The following THOC6 variants were observed in gnomAD, a reference collection of about 807,000 sequenced individuals.
THOC6 encodes THO complex 6.
Under a neutral mutation model 55.8 loss-of-function variants are expected in THOC6, and 39 were observed. The observed-to-expected ratio is 0.70, with a 90% CI of 0.54 to 0.91. The LOEUF (loss-of-function observed/expected upper bound fraction) is 0.91, where lower values mean the gene tolerates loss of function less well. THOC6 is among the 40% of genes least tolerant of loss of function. The probability of loss-of-function intolerance (pLI) is 0.00; values close to 1 mark genes in which losing one functional copy is unlikely to be tolerated. For synonymous variants in THOC6, 192 were observed against 175.6 expected, an observed-to-expected ratio of 1.09 and a Z score of -0.74; for missense variants, 482 against 442.0, an observed-to-expected ratio of 1.09 and a Z score of -0.81.
In THOC6 at chr16:3,024,637, C is replaced by CTT. The variant is rs34833478; in HGVS notation, c.39+286_39+287dup. ...TTAATTTTCTAGTTCTTGCAAAGCA[C>CTT]TTTTTTTTTTTTTTTGAGACAGAGT... On this transcript the variant is annotated intron_variant, in intron 1 of 12. Transcript: ENST00000326266. Among the ~76,000 whole-genome samples the CTT allele has an allele frequency of 5.2e-3, 657 of 126,030 alleles. 14 individuals carry two copies. Among genetic ancestry groups the CTT allele is most frequent in the Admixed American group, 0.016 (191 of 12,070 alleles). 82.7% of individuals were successfully genotyped at this position (126,030 alleles called of 152,430 possible).
intron 1 of THOC6, 64 bp downstream of exon 1, chr16:3,024,429 C>T (rs1243123491): frequency 1.7e-5 from 27 of 1,597,350 alleles, no homozygotes; most frequent in African/African-American, 2.7e-5. Flanking sequence ...TGGGACGGGG[C>T]GGGCAGGGAA....
Position 3,024,343 on chromosome 16 carries a change from C to G in THOC6, c.17C>G (p.Pro6Arg). The change falls in exon 1 of 13, where the codon CCG becomes CGG. Residue 6 changes from proline (P) to arginine (R), a missense_variant. Coordinates refer to ENST00000326266, the MANE Select transcript of THOC6 (RefSeq NM_024339.5). MERAV[P>R]LAVPLGQTEV... ...GTTCTGGAGATGGAGCGAGCTGTGC[C>G]GCTCGCGGTGCCTCTGGGTCAGGTG... 3 of 1,614,112 alleles carry G rather than the reference C, an allele frequency of 1.9e-6. No individual in the cohort carries two copies. Among genetic ancestry groups the G allele is most frequent in the South Asian group, 1.1e-5 (1 of 91,082 alleles).
At position 3,024,060 on chromosome 16, in the gene THOC6, C is replaced by T; in HGVS notation, c.-267C>T. The T allele has an allele frequency of 1.1e-6, 1 of 878,856 alleles. No individual in the cohort carries two copies. Among genetic ancestry groups the T allele is most frequent in the Non-Finnish European group, 1.7e-6 (1 of 585,980 alleles). The allele number at this position is 878,856 out of a possible 1,614,324, so 54.4% of individuals were successfully genotyped here. ...ACAGCCGCGAGGTTCTGCGCGGGCG[C>T]GGAAGACGGGCGGCGCGTGGCGGAA... On this transcript the variant is annotated 5_prime_UTR_variant, in exon 1 of 13. Coordinates refer to ENST00000326266, the MANE Select transcript of THOC6 (RefSeq NM_024339.5).
Position 3,024,237 on chromosome 16 carries a change from A to G in THOC6, c.-90A>G, listed in dbSNP as rs1220013304. 6 of 1,539,836 alleles carry G rather than the reference A, an allele frequency of 3.9e-6. No individual in the cohort carries two copies. Among genetic ancestry groups the G allele is most frequent in the Non-Finnish European group, 5.4e-6 (6 of 1,117,370 alleles). ...CAGCCACCTTCGCGCCGAAGGCGGT[A>G]GGGCGCCACGGAGAGGAACCGCTCT... On this transcript the variant is annotated 5_prime_UTR_variant, in exon 1 of 13. It removes the in-frame stop codon of an upstream open reading frame in the 5' UTR. Transcript: ENST00000326266.
rs541741193 is a variant in THOC6 at position 3,026,535 on chromosome 16, C to T, written c.431C>T (p.Ala144Val). The change falls in exon 7 of 13, where the codon GCT (alanine) becomes GTT (valine). Residue 144 changes from alanine to valine, a missense_variant. Physicochemically the swap from Ala to Val is moderately conservative, Grantham distance 64. Coordinates refer to ENST00000326266, the MANE Select transcript of THOC6 (RefSeq NM_024339.5). ...CCACAGGAGAATTCCCTCATCCTGG[C>T]TGGGGGAGACTGTCAGTTGCACACT... ...LVPKENSLIL[A>V]GGDCQLHTMD... 1.9e-6 allele frequency: 3 copies of T among 1,614,104 alleles called. No homozygotes were observed. The highest frequency in any genetic ancestry group is 3.3e-5 in the Admixed American group (2 of 60,008).
At position 3,025,694 on chromosome 16, in the gene THOC6, G is replaced by C. The variant is rs750255498; in HGVS notation, c.40-14G>C. ...ATACGTCCCAGGCAGGCCTCATCCAGTCTTTCCCTGCAGACAGAGGTGTTC... is the reference window on the plus strand; with the variant it reads ...ATACGTCCCAGGCAGGCCTCATCCACTCTTTCCCTGCAGACAGAGGTGTTC... On this transcript the variant is annotated splice_polypyrimidine_tract_variant and intron_variant, in intron 1 of 12. Transcript: ENST00000326266. 3.7e-6 allele frequency: 6 copies of C among 1,612,604 alleles called. No homozygotes were observed. In the East Asian group the frequency reaches 1.3e-4, roughly 36 times the overall value.
chr16:3,026,077 G>A lies in THOC6; in HGVS notation c.235G>A (p.Val79Ile), dbSNP rs760705881. 38 of 1,611,680 alleles carry A rather than the reference G, an allele frequency of 2.4e-5. No homozygotes were observed. The East Asian group carries it at 2.7e-4, about 11-fold the overall frequency. The change falls in exon 4 of 13, where the codon GTC becomes ATC. Residue 79 changes from valine to isoleucine, a missense_variant. Physicochemically the swap from Val to Ile is conservative, Grantham distance 29 (BLOSUM62 3). Coordinates refer to ENST00000326266, the MANE Select transcript of THOC6 (RefSeq NM_024339.5). ...TTTCTCTTTAGCCCATGATGGGCCC[G>A]TCTATAGCATGGTTTCCACCGATCG... Reference protein sequence around the residue: ...VVTFQAHDGPVYSMVSTDRHL... With the variant: ...VVTFQAHDGPIYSMVSTDRHL...
In THOC6 at chr16:3,024,241, C is replaced by A; in HGVS notation, c.-86C>A. Reference sequence around the variant, plus strand: ...CACCTTCGCGCCGAAGGCGGTAGGGCGCCACGGAGAGGAACCGCTCTAGGC... The same window carrying A: ...CACCTTCGCGCCGAAGGCGGTAGGGAGCCACGGAGAGGAACCGCTCTAGGC... On this transcript the variant is annotated 5_prime_UTR_variant, in exon 1 of 13. Coordinates refer to ENST00000326266, the MANE Select transcript of THOC6 (RefSeq NM_024339.5). 6.4e-7 allele frequency: 1 copy of A among 1,556,324 alleles called. No homozygotes were observed. The highest frequency in any genetic ancestry group is 8.8e-7 in the Non-Finnish European group (1 of 1,132,248).
In THOC6 at chr16:3,025,691, C is replaced by G. The variant is rs2072768167; in HGVS notation, c.40-17C>G. 6.2e-7 allele frequency: 1 copy of G among 1,610,840 alleles called. No individual in the cohort carries two copies. Among genetic ancestry groups the G allele is most frequent in the South Asian group, 1.1e-5 (1 of 91,020 alleles). On this transcript the variant is annotated splice_polypyrimidine_tract_variant and intron_variant, in intron 1 of 12. Coordinates refer to ENST00000326266, the MANE Select transcript of THOC6 (RefSeq NM_024339.5). ...TTCATACGTCCCAGGCAGGCCTCAT[C>G]CAGTCTTTCCCTGCAGACAGAGGTG...
chr16:3,025,606 G>A, intron 1 of THOC6, 102 bp from the exon 2 acceptor site: 1 of 1,082,170 alleles, frequency 9.2e-7, no homozygotes, highest in Non-Finnish European at 1.4e-6. Flanking sequence ...TGAGAAGTCA[G>A]GACAGTGGGA....
At chr16:3,025,429 G>C (rs1255634439) in intron 1 of THOC6, among the ~76,000 whole-genome samples, 1 of 152,254 alleles carries the variant, frequency 6.6e-6, no homozygotes, top group East Asian at 1.9e-4. Flanking sequence ...AATCTTCTGT[G>C]AGCTCCATTT....
chr16:3,025,650 T>C, intron 1 of THOC6, 58 bp from the exon 2 acceptor site: 1 of 1,504,410 alleles, frequency 6.6e-7, no homozygotes, highest in East Asian at 2.3e-5. Context: ...CAGGGAGGAA[T>C]CTGTGGATGG....
intron 6 of THOC6, 45 bp downstream of exon 6, chr16:3,026,458 C>T (rs780354827): frequency 6.2e-7 from 1 of 1,614,104 alleles, no homozygotes; most frequent in East Asian, 2.2e-5. Flanking sequence ...TTTGATCCTT[C>T]ACCCTCTGCC....
chr16:3,024,461 G>T (rs2072730880), intron 1 of THOC6, 96 bp downstream of exon 1: 5 of 1,504,866 alleles, frequency 3.3e-6, no homozygotes, highest in African/African-American at 1.4e-5. Flanking sequence ...GCCCTGTTTT[G>T]CCTGGGCTAT....
chr16:3,027,515 G>A lies in THOC6; in HGVS notation c.945+15G>A. ...CTGAGTGCAAGGTGGGTCCGGCAGG[G>A]GCCGCGGAGCGGCTGGGAGGCAGGG... is the stretch of plus-strand genomic sequence containing the variant. On this transcript the variant is annotated intron_variant, in intron 12 of 12. Transcript: ENST00000326266. 6.2e-7 allele frequency: 1 copy of A among 1,611,928 alleles called. No homozygotes were observed. Among genetic ancestry groups the A allele is most frequent in the African/African-American group, 1.3e-5 (1 of 75,032 alleles).
chr16:3,024,937 ATTTTTTT>A (rs35849212), intron 1 of THOC6, among the ~76,000 whole-genome samples: 12 of 102,352 alleles, frequency 1.2e-4, no homozygotes, highest in African/African-American at 2.2e-4. Flanking sequence ...GCCCGGCCAA[ATTTTTTT>A]TTTTTTTTTT....
chr16:3,026,933 G>A lies in THOC6; in HGVS notation c.636+17G>A. 2 of 1,614,164 alleles carry A rather than the reference G, an allele frequency of 1.2e-6. No individual in the cohort carries two copies. Among genetic ancestry groups the A allele is most frequent in the Non-Finnish European group, 1.7e-6 (2 of 1,180,026 alleles). ...AAGCACGAGGTGAGGGTGTGACCGT[G>A]GCCATTGTCCTCTTCTCCCCCAACT... On this transcript the variant is annotated intron_variant, in intron 9 of 12. Coordinates refer to ENST00000326266, the MANE Select transcript of THOC6 (RefSeq NM_024339.5).
rs1296506042 is a variant in THOC6 at position 3,027,446 on chromosome 16, C to T, written c.891C>T (p.Ser297=). 6 of 1,611,290 alleles carry T rather than the reference C, an allele frequency of 3.7e-6. No homozygotes were observed. The South Asian group carries it at 4.4e-5, about 12-fold the overall frequency. The change falls in exon 12 of 13, where the codon TCC becomes TCT. Residue 297 remains serine, a synonymous_variant. Transcript: ENST00000326266. ...GELKAQVPGS[S]PGLLSLSLNQ... ...TGAAGGCCCAGGTGCCTGGCTCCTC[C>T]CCAGGGCTGCTCAGCCTCAGCCTCA... is the stretch of plus-strand genomic sequence containing the variant.
Position 3,027,358 on chromosome 16 carries a change from C to G in THOC6, c.811-8C>G. ...CTGACCCCTGAGCACCTTCCCTGTC[C>G]TCTGCAGATTCTGTCAGCTGGCCAG... On this transcript the variant is annotated splice_region_variant and splice_polypyrimidine_tract_variant and intron_variant, in intron 11 of 12. Transcript: ENST00000326266. 1 of 1,613,330 alleles carries G rather than the reference C, an allele frequency of 6.2e-7. No individual in the cohort carries two copies. Among genetic ancestry groups the G allele is most frequent in the Non-Finnish European group, 8.5e-7 (1 of 1,179,538 alleles).
Sources: allele counts gnomAD v4.1 joint callset (sites outside exome capture counted in the v4.1 genomes callset), GRCh38; gene constraint gnomAD v4.1.1; transcripts MANE v1.5; gene names NCBI Gene and HGNC (gene_info 2026-07-23, HGNC 2026-07-21).